TMEM30A: variants seen among roughly 807,000 people sequenced by gnomAD.
The protein encoded by TMEM30A is cell division cycle 50 P4-ATPase accessory subunit A.
In TMEM30A, 24 loss-of-function variants were observed where a neutral mutation model predicts 38.2. The observed-to-expected ratio is 0.63, with a 90% CI of 0.46 to 0.88. The LOEUF (loss-of-function observed/expected upper bound fraction) is 0.88. Among genes scored for constraint, TMEM30A ranks in the 40% least tolerant of loss-of-function variants. TMEM30A has a pLI of 0.00. For synonymous variants in TMEM30A, 145 were observed against 161.6 expected (o/e 0.90, Z 0.78); for missense variants, 370 against 458.6 (o/e 0.81, Z 1.77).
At chr6:75,259,597 G>A in intron 4 of TMEM30A, 107 bp from the exon 5 acceptor site, 2 of 983,218 alleles carry the variant, frequency 2.0e-6, no homozygotes, top group Non-Finnish European at 2.9e-6. Context: ...AAAAGTGGTT[G>A]TGACAGAGTA....
At chr6:75,276,470 C>A (rs1045781073) in intron 1 of TMEM30A, among the ~76,000 whole-genome samples, 1 of 152,054 alleles carries the variant, frequency 6.6e-6, no homozygotes, top group Admixed American at 6.5e-5. Flanking sequence ...GTAGATAGTG[C>A]CAGAATTTAA....
intron 6 of TMEM30A, among the ~76,000 whole-genome samples, chr6:75,258,488 A>G (rs1042774485): frequency 2.0e-5 from 3 of 152,152 alleles, no homozygotes; most frequent in African/African-American, 7.2e-5. Flanking sequence ...ATTAAGCCCA[A>G]TTACAATCTC....
At chr6:75,257,787 C>T (rs767098661) in intron 6 of TMEM30A, among the ~76,000 whole-genome samples, 9 of 152,162 alleles carry the variant, frequency 5.9e-5, no homozygotes, top group Non-Finnish European at 8.8e-5. Flanking sequence ...TAACCATTTA[C>T]TAATCCATTT....
intron 6 of TMEM30A, among the ~76,000 whole-genome samples, chr6:75,258,478 A>G (rs1353848400): frequency 6.6e-6 from 1 of 152,144 alleles, no homozygotes; most frequent in Non-Finnish European, 1.5e-5. Flanking sequence ...TGGCCTTTAC[A>G]TTAAGCCCAA....
chr6:75,284,718 G>C lies in TMEM30A; in HGVS notation c.-80C>G. ...CGGCTGACCCTGACAGGAACCGCTC[G>C]AGCGCCGCTGCCGCCGCCGCCGCCG... On this transcript the variant is annotated 5_prime_UTR_variant, in exon 1 of 7. Transcript: ENST00000230461. 1 of 1,457,490 alleles carries C rather than the reference G, an allele frequency of 6.9e-7. No individual in the cohort carries two copies. Among genetic ancestry groups the C allele is most frequent in the Non-Finnish European group, 9.5e-7 (1 of 1,052,902 alleles). 90.3% of individuals were successfully genotyped at this position (1,457,490 alleles called of 1,614,324 possible). A position where few individuals can be genotyped will look rare whatever the true frequency, so the allele number is the denominator to read the frequency against.
chr6:75,276,449 A>T (rs1247779636), intron 1 of TMEM30A, among the ~76,000 whole-genome samples: 1 of 152,188 alleles, frequency 6.6e-6, no homozygotes, highest in Non-Finnish European at 1.5e-5. Flanking sequence ...GGGATCTGAT[A>T]CTATCTCCTA....
intron 3 of TMEM30A, among the ~76,000 whole-genome samples, chr6:75,264,252 C>T (rs1304111798): frequency 6.6e-6 from 1 of 152,178 alleles, no homozygotes; most frequent in Non-Finnish European, 1.5e-5. Context: ...ACAACATAGT[C>T]CTAAATTGTA....
intron 6 of TMEM30A, among the ~76,000 whole-genome samples, chr6:75,257,921 G>A (rs1320632940): frequency 6.6e-6 from 1 of 152,132 alleles, no homozygotes; most frequent in Non-Finnish European, 1.5e-5. Context: ...GTAAAATATA[G>A]ACTCCAGATT....
chr6:75,269,397 A>G (rs1582280943), intron 1 of TMEM30A, among the ~76,000 whole-genome samples: 2 of 152,228 alleles, frequency 1.3e-5, no homozygotes, highest in Non-Finnish European at 2.9e-5. Context: ...ATCATACCAT[A>G]TGTACCCTTT....
rs1352779254 is a variant in TMEM30A, at chr6:75,254,527, T to C, written c.*1575A>G. 1 of 152,174 alleles carries C rather than the reference T, an allele frequency of 6.6e-6. No homozygotes were observed. The highest frequency in any genetic ancestry group is 2.4e-5 in the African/African-American group (1 of 41,456). The allele number at this position is 152,174 out of a possible 1,614,324, so 9.4% of individuals were successfully genotyped here. A position where few individuals can be genotyped will look rare whatever the true frequency, so the allele number is the denominator to read the frequency against. ...ATTATGAAACACACATTCTTTTAAC[T>C]GAATTTCATATGTTATATAAAACTT... On this transcript the variant is annotated 3_prime_UTR_variant, in exon 7 of 7. Coordinates refer to ENST00000230461, the MANE Select transcript of TMEM30A (RefSeq NM_018247.4).
chr6:75,256,777 G>A (rs1771874823), intron 6 of TMEM30A: 1 of 482,282 alleles, frequency 2.1e-6, no homozygotes, highest in Non-Finnish European at 4.2e-6. Flanking sequence ...CAAAAAGCAT[G>A]GTAATAAAAA....
intron 1 of TMEM30A, among the ~76,000 whole-genome samples, chr6:75,269,376 TTA>T (rs1455833836): frequency 3.3e-5 from 5 of 152,250 alleles, no homozygotes; most frequent in Non-Finnish European, 2.9e-5. Context: ...TTCCAGAATG[TTA>T]TATATGAAAT....
chr6:75,281,535 G>C (rs1334040014), intron 1 of TMEM30A, among the ~76,000 whole-genome samples: 1 of 152,112 alleles, frequency 6.6e-6, no homozygotes, highest in South Asian at 2.1e-4. Context: ...GCTACCAAAT[G>C]TAAGCATTAA....
At chr6:75,272,034 C>T (rs1231384891) in intron 1 of TMEM30A, among the ~76,000 whole-genome samples, 1 of 152,148 alleles carries the variant, frequency 6.6e-6, no homozygotes, top group Non-Finnish European at 1.5e-5. Flanking sequence ...AGGACAATAG[C>T]ATACACATTT....
chr6:75,259,015 G>A (rs754850806), intron 5 of TMEM30A, 29 bp from the exon 6 acceptor site: 1 of 1,565,974 alleles, frequency 6.4e-7, no homozygotes, highest in Non-Finnish European at 8.7e-7. Flanking sequence ...GGGATAAGGA[G>A]ACAAAATATT....
chr6:75,261,169 T>C (rs1771958398), intron 3 of TMEM30A, among the ~76,000 whole-genome samples: 1 of 152,226 alleles, frequency 6.6e-6, no homozygotes, highest in African/African-American at 2.4e-5. Context: ...CAAATAAACA[T>C]CTTTTTGATT....
Position 75,255,768 on chromosome 6 carries a change from C to G in TMEM30A, c.*334G>C, listed in dbSNP as rs188413301. Reference sequence around the variant, plus strand: ...ACAGCTTCATATGTCAATATAATATCATCAACACAGCATAAAGATTTAAGC... The same window carrying G: ...ACAGCTTCATATGTCAATATAATATGATCAACACAGCATAAAGATTTAAGC... On this transcript the variant is annotated 3_prime_UTR_variant, in exon 7 of 7. Transcript: ENST00000230461. 2.7e-3 allele frequency: 505 copies of G among 190,282 alleles called. 1 individual carries two copies. The highest frequency in any genetic ancestry group is 4.3e-3 in the Non-Finnish European group (399 of 92,394). The allele number at this position is 190,282 out of a possible 1,614,324, so 11.8% of individuals were successfully genotyped here. A position where few individuals can be genotyped will look rare whatever the true frequency, so the allele number is the denominator to read the frequency against.
At chr6:75,269,764 G>C (rs908281256) in intron 1 of TMEM30A, among the ~76,000 whole-genome samples, 6 of 151,984 alleles carry the variant, frequency 3.9e-5, no homozygotes, top group African/African-American at 1.5e-4. Context: ...GCACAATCTC[G>C]GCTCACTGCA....
rs549209595 is a variant in TMEM30A, at chr6:75,253,249, C to G, written c.*2853G>C. On this transcript the variant is annotated 3_prime_UTR_variant, in exon 7 of 7. Coordinates refer to ENST00000230461, the MANE Select transcript of TMEM30A (RefSeq NM_018247.4). ...AGCAGGCTGAACCGCATTCACTGAC[C>G]CTATCTCTCAGCTGCTCCTCCTCAC... 6.6e-6 allele frequency: 1 copy of G among 152,052 alleles called. No individual in the cohort carries two copies. The highest frequency in any genetic ancestry group is 2.4e-5 in the African/African-American group (1 of 41,406). The allele number at this position is 152,052 out of a possible 1,614,324, so 9.4% of individuals were successfully genotyped here.
Sources: gnomAD v4.1 joint callset for allele counts (sites outside exome capture counted in the v4.1 genomes callset) on GRCh38, gnomAD v4.1.1 for gene constraint, MANE v1.5 for transcripts, NCBI Gene and HGNC (gene_info 2026-07-23, HGNC 2026-07-21) for gene names.